DLG2: variants seen among roughly 807,000 people sequenced by gnomAD.
DLG2 encodes the protein disks large homolog 2.
A neutral mutation model predicts 132.5 loss-of-function variants in DLG2; 45 were observed. The observed-to-expected ratio is 0.34, with a 90% CI of 0.27 to 0.44. DLG2 has a LOEUF of 0.44. Ranked by LOEUF, DLG2 falls within the 20% of genes least tolerant of loss-of-function variation. The probability of loss-of-function intolerance (pLI) is 1.00; values close to 1 mark genes in which losing one functional copy is unlikely to be tolerated. For synonymous variants in DLG2, 424 were observed against 419.6 expected (o/e 1.01, Z -0.13); for missense variants, 1,045 against 1,196.9 (o/e 0.87, Z 1.87).
At chr11:84,252,630 C>T (rs767941014) in intron 7 of DLG2, among the ~76,000 whole-genome samples, 15 of 152,172 alleles carry the variant, frequency 9.9e-5, no homozygotes, top group East Asian at 9.7e-4. Flanking sequence ...TGCTACAAGG[C>T]AAATCACTAG....
intron 3 of DLG2, among the ~76,000 whole-genome samples, chr11:85,505,117 TG>T (rs1290357346): frequency 4.6e-5 from 7 of 152,202 alleles, no homozygotes; most frequent in African/African-American, 9.7e-5. Context: ...AAGGAGATTT[TG>T]GGCTGAGACA....
chr11:85,400,947 A>AAAAAAG (rs905438458), intron 3 of DLG2, among the ~76,000 whole-genome samples: 1 of 151,500 alleles, frequency 6.6e-6, no homozygotes, highest in Non-Finnish European at 1.5e-5. Flanking sequence ...ATTAAAAAAA[A>AAAAAAG]AAAAAGAAAA....
chr11:85,105,458 C>G (rs981114901), intron 6 of DLG2, among the ~76,000 whole-genome samples: 11 of 151,854 alleles, frequency 7.2e-5, no homozygotes, highest in African/African-American at 1.9e-4. Flanking sequence ...ATTAAGAGCC[C>G]ATGACTACAG....
At chr11:85,498,278 T>A (rs2093714874) in intron 3 of DLG2, among the ~76,000 whole-genome samples, 1 of 152,070 alleles carries the variant, frequency 6.6e-6, no homozygotes, top group East Asian at 1.9e-4. Context: ...GGGATTGAAA[T>A]CCTAGTCTCT....
chr11:84,886,138 A>G (rs940605811), intron 6 of DLG2, among the ~76,000 whole-genome samples: 1 of 152,126 alleles, frequency 6.6e-6, no homozygotes, highest in African/African-American at 2.4e-5. Flanking sequence ...GGTCAGGAAA[A>G]GCTTTGAAGA....
At chr11:83,969,131 C>G (rs2090831225) in intron 12 of DLG2, among the ~76,000 whole-genome samples, 1 of 151,998 alleles carries the variant, frequency 6.6e-6, no homozygotes, top group South Asian at 2.1e-4. Context: ...ATGAGAAAAA[C>G]TGTTTTTTAA....
At position 83,456,813 on chromosome 11, in the gene DLG2, G is replaced by T. The variant is rs1335388581; in HGVS notation, c.*3005C>A. The T allele has an allele frequency of 6.6e-6, 1 of 152,186 alleles. No homozygotes were observed. Among genetic ancestry groups the T allele is most frequent in the Non-Finnish European group, 1.5e-5 (1 of 68,038 alleles). 9.4% of individuals were successfully genotyped at this position (152,186 alleles called of 1,614,324 possible). On this transcript the variant is annotated 3_prime_UTR_variant, in exon 28 of 28. Transcript: ENST00000376104. ...GTAGGATCTAAGACAGCGCACAGAGGCACCCGAGTGCAGCTTTGTGAAGAC... is the reference window on the plus strand; with the variant it reads ...GTAGGATCTAAGACAGCGCACAGAGTCACCCGAGTGCAGCTTTGTGAAGAC...
At chr11:85,204,350 A>G (rs2081706445) in intron 4 of DLG2, among the ~76,000 whole-genome samples, 1 of 152,160 alleles carries the variant, frequency 6.6e-6, no homozygotes, top group Admixed American at 6.5e-5. Flanking sequence ...AGGATATAGC[A>G]TCAACATACA....
chr11:84,976,610 C>T (rs574674025), intron 6 of DLG2, among the ~76,000 whole-genome samples: 1 of 152,228 alleles, frequency 6.6e-6, no homozygotes, highest in South Asian at 2.1e-4. Flanking sequence ...TTCTAGACTT[C>T]TATTTATTAT....
At position 85,238,182 on chromosome 11, in the gene DLG2, CT is replaced by C. The variant is rs201353118; in HGVS notation, c.186+47037del. On this transcript the variant is annotated intron_variant, in intron 4 of 27. Coordinates refer to ENST00000376104, the MANE Select transcript of DLG2 (RefSeq NM_001142699.3). ...GAGGCTGCTTTTCCTATTATCTTAA[CT>C]TTTTTTTATTTTTTATTTTTATTTT... Among the ~76,000 whole-genome samples, 150 of 148,232 alleles carry C rather than the reference CT, an allele frequency of 1.0e-3. 3 individuals carry two copies. The East Asian group carries it at 0.025, about 25-fold the overall frequency.
chr11:85,106,877 A>G (rs2152301629), intron 6 of DLG2, among the ~76,000 whole-genome samples: 1 of 152,086 alleles, frequency 6.6e-6, no homozygotes, highest in South Asian at 2.1e-4. Flanking sequence ...TCCAAAATCC[A>G]ACTTAAGGCA....
chr11:85,421,321 G>A (rs2090290181), intron 3 of DLG2, among the ~76,000 whole-genome samples: 2 of 151,902 alleles, frequency 1.3e-5, no homozygotes, highest in South Asian at 4.2e-4. Flanking sequence ...ACCTCAGTTG[G>A]AAATGCAGAA....
chr11:83,482,902 G>A (rs2093236905), intron 22 of DLG2, among the ~76,000 whole-genome samples: 1 of 152,078 alleles, frequency 6.6e-6, no homozygotes, highest in Non-Finnish European at 1.5e-5. Flanking sequence ...AGAACACTTA[G>A]CTCACCCTTT....
intron 3 of DLG2, among the ~76,000 whole-genome samples, chr11:85,535,976 G>A (rs1294586618): frequency 6.6e-6 from 1 of 152,042 alleles, no homozygotes; most frequent in East Asian, 1.9e-4. Flanking sequence ...AGCACTTTGG[G>A]AGGCCAAGGC....
chr11:84,601,656 T>C (rs1410175825), intron 6 of DLG2, among the ~76,000 whole-genome samples: 3 of 151,912 alleles, frequency 2.0e-5, no homozygotes, highest in African/African-American at 4.8e-5. Context: ...GACAAAATAA[T>C]TACACGTGAT....
rs146990274 is a variant in DLG2, at chr11:84,309,545, C to G, written c.520-58254G>C. Among the ~76,000 whole-genome samples the G allele has an allele frequency of 5.9e-3, 901 of 152,254 alleles. 16 individuals carry two copies. Among genetic ancestry groups the G allele is most frequent in the African/African-American group, 0.021 (866 of 41,544 alleles). On this transcript the variant is annotated intron_variant, in intron 7 of 27. Transcript: ENST00000376104. ...TACAGTTTCTCCTTTGGAACATGTA[C>G]TAGGTGACTACTAAGATTCCATACA...
intron 3 of DLG2, among the ~76,000 whole-genome samples, chr11:85,543,746 A>G (rs547680652): frequency 6.6e-6 from 1 of 152,276 alleles, no homozygotes; most frequent in Non-Finnish European, 1.5e-5. Context: ...AGTGATGATG[A>G]GCTTTTTCTC....
chr11:83,562,866 C>T (rs563386331), intron 19 of DLG2, among the ~76,000 whole-genome samples: 6 of 151,760 alleles, frequency 4.0e-5, no homozygotes, highest in African/African-American at 9.7e-5. Context: ...ATTTCTTGAG[C>T]GCCTTACCAA....
intron 6 of DLG2, among the ~76,000 whole-genome samples, chr11:84,554,728 G>A (rs111685275): frequency 0.046 from 6,937 of 152,076 alleles, 208 homozygotes; most frequent in Non-Finnish European, 0.073. Context: ...CCTGGGCAAC[G>A]AGAGTGAAAC....
Sources: allele counts gnomAD v4.1 joint callset (sites outside exome capture counted in the v4.1 genomes callset), GRCh38; gene constraint gnomAD v4.1.1; transcripts MANE v1.5; gene names NCBI Gene and HGNC (gene_info 2026-07-23, HGNC 2026-07-21).